Variants in SLC4A4 observed in about 807,000 individuals in gnomAD.
The protein encoded by SLC4A4 is solute carrier family 4 member 4, also known as electrogenic sodium bicarbonate cotransporter 1.
SLC4A4 carries 27 observed loss-of-function variants against 111.5 expected under a neutral mutation model. The observed-to-expected ratio is 0.24, with a 90% CI of 0.18 to 0.33. The LOEUF is 0.33. SLC4A4 is among the 10% of genes least tolerant of loss of function. SLC4A4 has a pLI of 1.00. For synonymous variants in SLC4A4, 443 were observed against 463.4 expected (o/e 0.96, Z 0.57); for missense variants, 909 against 1,315.5 (o/e 0.69, Z 4.78).
At chr4:71,451,667 C>T (rs1010178622) in intron 11 of SLC4A4, among the ~76,000 whole-genome samples, 2 of 151,932 alleles carry the variant, frequency 1.3e-5, no homozygotes, top group African/African-American at 4.8e-5. Context: ...GAAAGTGCTA[C>T]AGGAGGTGGG....
At chr4:71,335,043 G>A (rs1179732962) in intron 3 of SLC4A4, among the ~76,000 whole-genome samples, 5 of 152,072 alleles carry the variant, frequency 3.3e-5, no homozygotes, top group Non-Finnish European at 7.4e-5. Flanking sequence ...CACAAAGAAG[G>A]GAACAGACAC....
At chr4:71,443,116 C>CTCTCTCTCTCTCTATATATA (rs1198759861) in intron 8 of SLC4A4, among the ~76,000 whole-genome samples, 1 of 65,654 alleles carries the variant, frequency 1.5e-5, no homozygotes, top group African/African-American at 8.7e-5. Context: ...CTCTCTCTCT[C>CTCTCTCTCTCTCTATATATA]TATATATATA....
At chr4:71,465,999 C>T (rs1457225242) in intron 12 of SLC4A4, among the ~76,000 whole-genome samples, 1 of 152,052 alleles carries the variant, frequency 6.6e-6, no homozygotes, top group East Asian at 1.9e-4. Flanking sequence ...AGCTTTTGTA[C>T]ATAAAAGAGA....
chr4:71,557,949 A>T, intron 22 of SLC4A4, 64 bp downstream of exon 22: 1 of 1,405,104 alleles, frequency 7.1e-7, no homozygotes, highest in Non-Finnish European at 1.0e-6. Context: ...TTATTGTTAT[A>T]TGGAAGACAC....
rs7681246 is a variant in SLC4A4 at position 71,564,691 on chromosome 4, C to T, written c.3196+802C>T. Reference sequence around the variant, plus strand: ...CAGATGCACTTCAGAGTACACTGATCTGTTACAGAAAAAGACAGTTAAGAC... The same window carrying T: ...CAGATGCACTTCAGAGTACACTGATTTGTTACAGAAAAAGACAGTTAAGAC... On this transcript the variant is annotated intron_variant, in intron 24 of 25. Coordinates refer to ENST00000264485, the MANE Select transcript of SLC4A4 (RefSeq NM_001098484.3). Among the ~76,000 whole-genome samples the T allele has an allele frequency of 5.8e-3, 887 of 151,914 alleles. 11 individuals carry two copies. The highest frequency in any genetic ancestry group is 0.02 in the African/African-American group (828 of 41,448).
chr4:71,135,478 T>C (rs1010107393), intron 2 of SLC4A4, among the ~76,000 whole-genome samples: 1 of 152,046 alleles, frequency 6.6e-6, no homozygotes, highest in Non-Finnish European at 1.5e-5. Flanking sequence ...GGATTTTTAG[T>C]AGAGATGGGA....
intron 12 of SLC4A4, among the ~76,000 whole-genome samples, chr4:71,463,886 A>G (rs1461061569): frequency 6.6e-6 from 1 of 152,196 alleles, no homozygotes; most frequent in Non-Finnish European, 1.5e-5. Flanking sequence ...AATCAAGTAG[A>G]GAATGCAAAA....
intron 6 of SLC4A4, among the ~76,000 whole-genome samples, chr4:71,389,187 G>A (rs903935129): frequency 6.6e-6 from 1 of 152,152 alleles, no homozygotes; most frequent in African/African-American, 2.4e-5. Flanking sequence ...CCTAATTGAT[G>A]CAGGTATCTG....
intron 25 of SLC4A4, 131 bp downstream of exon 25, chr4:71,567,214 A>G (rs1448004874): frequency 2.7e-6 from 2 of 739,486 alleles, no homozygotes; most frequent in South Asian, 1.8e-5. Flanking sequence ...TAAATTACCC[A>G]GTGACCAAAA....
chr4:71,077,668 A>C (rs1057463953), intron 1 of SLC4A4, among the ~76,000 whole-genome samples: 5 of 152,194 alleles, frequency 3.3e-5, no homozygotes, highest in African/African-American at 1.2e-4. Flanking sequence ...TGGCTGAGAA[A>C]GTTTGGCTAC....
intron 16 of SLC4A4, among the ~76,000 whole-genome samples, chr4:71,524,790 CT>C (rs1733271087): frequency 1.3e-5 from 2 of 151,908 alleles, no homozygotes; most frequent in South Asian, 2.1e-4. Context: ...AAAATAAATG[CT>C]TTTTTACACT....
At chr4:71,130,927 C>T (rs755085933) in intron 2 of SLC4A4, among the ~76,000 whole-genome samples, 8 of 152,140 alleles carry the variant, frequency 5.3e-5, no homozygotes, top group Admixed American at 6.5e-5. Context: ...TGGTGACAGC[C>T]TTTTCTTTCC....
At chr4:71,543,080 G>A (rs1735209603) in intron 18 of SLC4A4, among the ~76,000 whole-genome samples, 1 of 152,100 alleles carries the variant, frequency 6.6e-6, no homozygotes, top group Admixed American at 6.6e-5. Context: ...ATGTTGTGAA[G>A]GAGAAGGAGA....
At chr4:71,312,658 C>T (rs1227163372) in intron 3 of SLC4A4, among the ~76,000 whole-genome samples, 1 of 152,134 alleles carries the variant, frequency 6.6e-6, no homozygotes, top group African/African-American at 2.4e-5. Flanking sequence ...ATAAACAGAA[C>T]CAATGACAAA....
chr4:71,156,605 C>CAA (rs1744484080), intron 2 of SLC4A4, among the ~76,000 whole-genome samples: 3 of 150,944 alleles, frequency 2.0e-5, no homozygotes, highest in Non-Finnish European at 4.4e-5. Flanking sequence ...CACACACACA[C>CAA]ACACACACAT....
In SLC4A4 at chr4:71,236,086, G is replaced by A. The variant is rs1029212298; in HGVS notation, c.-1-490G>A. 4 of 1,000,246 alleles carry A rather than the reference G, an allele frequency of 4.0e-6. No homozygotes were observed. In the South Asian group the frequency reaches 1.3e-4, roughly 33 times the overall value. 62.0% of individuals were successfully genotyped at this position (1,000,246 alleles called of 1,614,324 possible). A position where few individuals can be genotyped will look rare whatever the true frequency, so the allele number is the denominator to read the frequency against. On this transcript the variant is annotated intron_variant, in intron 1 of 25. Coordinates refer to ENST00000264485, the MANE Select transcript of SLC4A4 (RefSeq NM_001098484.3). ...CTGTGCACTAGCCTACCTCCCTGTCGCTCTCTGCGTGTGGGTGGGTGTGCA... is the reference window on the plus strand; with the variant it reads ...CTGTGCACTAGCCTACCTCCCTGTCACTCTCTGCGTGTGGGTGGGTGTGCA...
intron 6 of SLC4A4, among the ~76,000 whole-genome samples, chr4:71,389,864 A>G (rs1719101021): frequency 6.6e-6 from 1 of 152,202 alleles, no homozygotes; most frequent in Non-Finnish European, 1.5e-5. Flanking sequence ...TGGAGTTTAC[A>G]TTATATAAAA....
At chr4:71,094,119 A>AATTTCTGAT (rs1399015116) in intron 2 of SLC4A4, among the ~76,000 whole-genome samples, 2 of 152,220 alleles carry the variant, frequency 1.3e-5, no homozygotes, top group African/African-American at 2.4e-5. Context: ...TTCCCTTATG[A>AATTTCTGAT]ATTTCTGATT....
At chr4:71,326,088 C>G (rs1326865636) in intron 3 of SLC4A4, among the ~76,000 whole-genome samples, 3 of 151,826 alleles carry the variant, frequency 2.0e-5, no homozygotes, top group African/African-American at 7.3e-5. Context: ...TAGCCTCCCT[C>G]CATGCCTCAT....
Sources: gnomAD v4.1 joint callset for allele counts (sites outside exome capture counted in the v4.1 genomes callset) on GRCh38, gnomAD v4.1.1 for gene constraint, MANE v1.5 for transcripts, NCBI Gene and HGNC (gene_info 2026-07-23, HGNC 2026-07-21) for gene names.